The following DNAL4 variants were observed in gnomAD, a reference collection of about 807,000 sequenced individuals.
DNAL4 encodes the protein dynein light chain, outer arm 4.
DNAL4 carries 10 observed loss-of-function variants against 12.6 expected under a neutral mutation model. That is an observed-to-expected ratio of 0.79 (90% CI 0.49 to 1.34). The LOEUF is 1.34. Ranked by LOEUF, DNAL4 falls within the 40% of genes most tolerant of loss-of-function variation. The pLI, the probability that DNAL4 is intolerant of heterozygous loss-of-function variation, is 0.00. For synonymous variants in DNAL4, 46 were observed against 53.1 expected, an observed-to-expected ratio of 0.87 and a Z score of 0.58; for missense variants, 128 against 138.1, an observed-to-expected ratio of 0.93 and a Z score of 0.37.
intron 3 of DNAL4, chr22:38,780,701 A>G: frequency 1.9e-6 from 1 of 527,268 alleles, no homozygotes; most frequent in Non-Finnish European, 3.4e-6. Context: ...GGCGTCATGG[A>G]GACCCCTGTG....
At chr22:38,787,979 C>T (rs2093044954) in intron 1 of DNAL4, among the ~76,000 whole-genome samples, 1 of 152,198 alleles carries the variant, frequency 6.6e-6, no homozygotes, top group South Asian at 2.1e-4. Flanking sequence ...TCTGTGCTTT[C>T]TCCTTTGGCA....
At chr22:38,784,976 C>CCG (rs1491553375) in intron 1 of DNAL4, among the ~76,000 whole-genome samples, 1 of 66,986 alleles carries the variant, frequency 1.5e-5, no homozygotes. Flanking sequence ...CTGGCACAGA[C>CCG]CCCCCCCCCC....
chr22:38,780,069 C>T (rs576580111), intron 3 of DNAL4, among the ~76,000 whole-genome samples: 4 of 152,320 alleles, frequency 2.6e-5, no homozygotes, highest in South Asian at 2.1e-4. Flanking sequence ...CCGACTACTC[C>T]CCTAGTCATG....
intron 1 of DNAL4, among the ~76,000 whole-genome samples, chr22:38,791,620 G>A (rs1359057149): frequency 1.3e-5 from 2 of 152,092 alleles, no homozygotes; most frequent in Non-Finnish European, 2.9e-5. Context: ...TCAAACTCCT[G>A]ACCTCAGGTG....
At chr22:38,789,268 TTTTTC>T (rs973062524) in intron 1 of DNAL4, among the ~76,000 whole-genome samples, 24 of 152,172 alleles carry the variant, frequency 1.6e-4, no homozygotes, top group Admixed American at 9.2e-4. Flanking sequence ...AAGATTATGC[TTTTTC>T]TTTTCTTTTC....
In DNAL4 at chr22:38,779,312, C is replaced by G; in HGVS notation, c.*137G>C. 1 of 1,190,422 alleles carries G rather than the reference C, an allele frequency of 8.4e-7. No homozygotes were observed. The highest frequency in any genetic ancestry group is 1.1e-6 in the Non-Finnish European group (1 of 879,430). The allele number at this position is 1,190,422 out of a possible 1,614,324, so 73.7% of individuals were successfully genotyped here. A position where few individuals can be genotyped will look rare whatever the true frequency, so the allele number is the denominator to read the frequency against. On this transcript the variant is annotated 3_prime_UTR_variant, in exon 4 of 4. Coordinates refer to ENST00000216068, the MANE Select transcript of DNAL4 (RefSeq NM_005740.3). This position sits in a 1 kb window ranked among gnomAD's most constrained non-coding sequence, Gnocchi z 4.3. ...TCAAGTTCACACACTGGGCGTGGCT[C>G]AGGAAACTGGTACACAAAGACAAAA...
intron 1 of DNAL4, among the ~76,000 whole-genome samples, chr22:38,791,169 G>GAA (rs574372381): frequency 3.4e-4 from 30 of 87,698 alleles, no homozygotes; most frequent in Middle Eastern, 6.2e-3. Flanking sequence ...TCCACCTCTA[G>GAA]AAAAAAAAAA....
chr22:38,791,894 G>T (rs1364853060), intron 1 of DNAL4, among the ~76,000 whole-genome samples: 1 of 149,150 alleles, frequency 6.7e-6, no homozygotes, highest in Non-Finnish European at 1.5e-5. Context: ...GAGTACAGAT[G>T]GGGTTTCACC....
Position 38,782,834 on chromosome 22 carries a change from C to A in DNAL4, c.-103G>T. ...AGATTCAGGAAGCAGGCCCTGCCAA[C>A]TCGGTGGGAGCAGAAAATGTCTTTC... On this transcript the variant is annotated 5_prime_UTR_variant, in exon 2 of 4. Transcript: ENST00000216068. The surrounding 1 kb of genome is among the most constrained non-coding windows in gnomAD (Gnocchi z 5.1). The A allele has an allele frequency of 9.0e-7, 1 of 1,107,846 alleles. No homozygotes were observed. 68.6% of individuals were successfully genotyped at this position (1,107,846 alleles called of 1,614,324 possible).
chr22:38,789,355 T>C (rs543293643), intron 1 of DNAL4, among the ~76,000 whole-genome samples: 1 of 152,182 alleles, frequency 6.6e-6, no homozygotes, highest in South Asian at 2.1e-4. Flanking sequence ...AGCCTCAACT[T>C]CCCAGGCTCA....
chr22:38,792,551 G>C lies in DNAL4; in HGVS notation c.-140+1517C>G, dbSNP rs1403171704. On this transcript the variant is annotated intron_variant, in intron 1 of 3. Transcript: ENST00000216068. ...GCCTGTGTCGGCCTCCCGAAGTGCT[G>C]GGATTAATAGGCGTGAGCCACCGCT... Among the ~76,000 whole-genome samples, 4 of 152,104 alleles carry C rather than the reference G, an allele frequency of 2.6e-5. No individual in the cohort carries two copies. In the South Asian group the frequency reaches 8.3e-4, roughly 31 times the overall value.
chr22:38,778,640 G>A lies in DNAL4; in HGVS notation c.*809C>T, dbSNP rs185229302. On this transcript the variant is annotated 3_prime_UTR_variant, in exon 4 of 4. Coordinates refer to ENST00000216068, the MANE Select transcript of DNAL4 (RefSeq NM_005740.3). ...AAGAACATAGAAAACCCAGCAGAGAGCAGTACAAATCAGCATGCGGTCCCT... is the reference window on the plus strand; with the variant it reads ...AAGAACATAGAAAACCCAGCAGAGAACAGTACAAATCAGCATGCGGTCCCT... The A allele has an allele frequency of 3.9e-5, 6 of 152,888 alleles. No homozygotes were observed. The East Asian group carries it at 1.2e-3, about 29-fold the overall frequency. The allele number at this position is 152,888 out of a possible 1,614,324, so 9.5% of individuals were successfully genotyped here.
Position 38,780,984 on chromosome 22 carries a change from C to T in DNAL4, c.95G>A (p.Arg32His), listed in dbSNP as rs1337870965. Residue 32 changes from arginine to histidine, a missense_variant, in exon 3 of 4, where the codon CGC (arginine) becomes CAC (histidine). Physicochemically the swap from Arg to His is conservative, Grantham distance 29 (BLOSUM62 0). Transcript: ENST00000216068. ...VRHSDMPEEMRVETMELCVTA... is the reference protein window; with the variant it reads ...VRHSDMPEEMHVETMELCVTA... ...GACACATAGCTCCATGGTCTCCACG[C>T]GCATCTCCTCTGGCATGTCCGAGTG... is the stretch of plus-strand genomic sequence containing the variant. 12 of 1,614,140 alleles carry T rather than the reference C, an allele frequency of 7.4e-6. No homozygotes were observed. The highest frequency in any genetic ancestry group is 1.0e-5 in the Non-Finnish European group (12 of 1,180,010).
In DNAL4 at chr22:38,782,958, C is replaced by T. The variant is rs776171444; in HGVS notation, c.-139-88G>A. On this transcript the variant is annotated intron_variant, in intron 1 of 3. Coordinates refer to ENST00000216068, the MANE Select transcript of DNAL4 (RefSeq NM_005740.3). This position sits in a 1 kb window ranked among gnomAD's most constrained non-coding sequence, Gnocchi z 5.1. ...GAAATGTCTCAGTAACAATCTGACACCTCCCCATCTTAACTCCTCCGCACC... is the reference window on the plus strand; with the variant it reads ...GAAATGTCTCAGTAACAATCTGACATCTCCCCATCTTAACTCCTCCGCACC... 13 of 456,264 alleles carry T rather than the reference C, an allele frequency of 2.8e-5. No individual in the cohort carries two copies. Among genetic ancestry groups the T allele is most frequent in the Non-Finnish European group, 5.0e-5 (13 of 258,678 alleles). The allele number at this position is 456,264 out of a possible 1,614,324, so 28.3% of individuals were successfully genotyped here.
In DNAL4 at chr22:38,780,365, C is replaced by T. The variant is rs1054672638; in HGVS notation, c.153+561G>A. Among the ~76,000 whole-genome samples the T allele has an allele frequency of 2.6e-5, 4 of 152,228 alleles. No homozygotes were observed. The East Asian group carries it at 5.8e-4, about 22-fold the overall frequency. On this transcript the variant is annotated intron_variant, in intron 3 of 3. Coordinates refer to ENST00000216068, the MANE Select transcript of DNAL4 (RefSeq NM_005740.3). ...TTGAGAAATGGCTCATTCAAGGGTA[C>T]AGCTGGGAAGGGCTGAAGCCAGGAT...
At chr22:38,789,599 G>A (rs1403535784) in intron 1 of DNAL4, among the ~76,000 whole-genome samples, 1 of 151,984 alleles carries the variant, frequency 6.6e-6, no homozygotes, top group Non-Finnish European at 1.5e-5. Flanking sequence ...TCAACTACTC[G>A]ACTATAATCA....
At chr22:38,791,316 C>A (rs1344210723) in intron 1 of DNAL4, among the ~76,000 whole-genome samples, 1 of 152,074 alleles carries the variant, frequency 6.6e-6, no homozygotes, top group East Asian at 1.9e-4. Flanking sequence ...CAGGACATTA[C>A]TGGACACCAC....
At position 38,779,653 on chromosome 22, in the gene DNAL4, G is replaced by A; in HGVS notation, c.154-40C>T. ...GCACTTATCAAGGGGGCGCAGGGCA[G>A]GTGGGGGCAGGAGTCAGGTCCTTCT... On this transcript the variant is annotated intron_variant, in intron 3 of 3. Coordinates refer to ENST00000216068, the MANE Select transcript of DNAL4 (RefSeq NM_005740.3). This position sits in a 1 kb window ranked among gnomAD's most constrained non-coding sequence, Gnocchi z 4.3. 2 of 1,565,858 alleles carry A rather than the reference G, an allele frequency of 1.3e-6. No homozygotes were observed. The highest frequency in any genetic ancestry group is 2.3e-5 in the East Asian group (1 of 42,788).
At position 38,782,587 on chromosome 22, in the gene DNAL4, G is replaced by A; in HGVS notation, c.69+76C>T. 2 of 1,500,798 alleles carry A rather than the reference G, an allele frequency of 1.3e-6. No homozygotes were observed. Among genetic ancestry groups the A allele is most frequent in the Non-Finnish European group, 9.1e-7 (1 of 1,092,946 alleles). 93.0% of individuals were successfully genotyped at this position (1,500,798 alleles called of 1,614,324 possible). On this transcript the variant is annotated intron_variant, in intron 2 of 3. Coordinates refer to ENST00000216068, the MANE Select transcript of DNAL4 (RefSeq NM_005740.3). This position sits in a 1 kb window ranked among gnomAD's most constrained non-coding sequence, Gnocchi z 5.1. ...ACTTCCTCCCACTGCCATCCTGCAA[G>A]GGACAAGCTCCACCCACCTCTCTCC...
Sources: gnomAD v4.1 joint callset for allele counts (sites outside exome capture counted in the v4.1 genomes callset) on GRCh38, gnomAD v4.1.1 for gene constraint, Gnocchi (gnomAD v3.1) non-coding constraint, MANE v1.5 for transcripts, NCBI Gene and HGNC (gene_info 2026-07-23, HGNC 2026-07-21) for gene names.